The following SPAG16 variants were observed in gnomAD, a reference collection of about 807,000 sequenced individuals.
SPAG16 encodes sperm-associated antigen 16 protein.
Under a neutral mutation model 80.4 loss-of-function variants are expected in SPAG16, and 86 were observed. The observed-to-expected ratio is 1.07, with a 90% CI of 0.90 to 1.28. The LOEUF (loss-of-function observed/expected upper bound fraction) is 1.28. SPAG16 is among the 50% of genes most tolerant of loss of function. SPAG16 has a pLI of 0.00. For missense variants in SPAG16, 870 were observed against 765.3 expected, an observed-to-expected ratio of 1.14 and a Z score of -1.61; for synonymous variants, 294 against 265.9, an observed-to-expected ratio of 1.11 and a Z score of -1.03.
chr2:214,070,645 G>C (rs577156148), intron 13 of SPAG16, among the ~76,000 whole-genome samples: 1 of 152,044 alleles, frequency 6.6e-6, no homozygotes, highest in South Asian at 2.1e-4. Flanking sequence ...AGCATCAAAT[G>C]AGCTGATCAT....
chr2:213,874,612 A>G (rs960837325), intron 11 of SPAG16, among the ~76,000 whole-genome samples: 1 of 152,136 alleles, frequency 6.6e-6, no homozygotes, highest in Non-Finnish European at 1.5e-5. Flanking sequence ...CAAACACATG[A>G]GTAATGTGTA....
At chr2:213,363,692 A>G (rs913259742) in intron 7 of SPAG16, among the ~76,000 whole-genome samples, 11 of 152,112 alleles carry the variant, frequency 7.2e-5, no homozygotes, top group African/African-American at 2.7e-4. Flanking sequence ...ATTCCAAGTG[A>G]TAATTACCTT....
At chr2:213,727,423 T>C (rs568360170) in intron 10 of SPAG16, among the ~76,000 whole-genome samples, 81 of 152,130 alleles carry the variant, frequency 5.3e-4, no homozygotes, top group African/African-American at 1.8e-3. Flanking sequence ...TTGGTTTGAG[T>C]GCTTGATATC....
chr2:213,598,058 T>G (rs1275072981), intron 10 of SPAG16, among the ~76,000 whole-genome samples: 1 of 152,196 alleles, frequency 6.6e-6, no homozygotes, highest in Admixed American at 6.5e-5. Context: ...TTCCTCTCTC[T>G]TCCTCCCATA....
Position 213,979,825 on chromosome 2 carries a change from T to C in SPAG16, c.1401-34126T>C, listed in dbSNP as rs185941861. Reference sequence around the variant, plus strand: ...GGATACCCTGGAGATCTGCTATGTATAGTACTGTTTTCCATAGTACATAAT... The same window carrying C: ...GGATACCCTGGAGATCTGCTATGTACAGTACTGTTTTCCATAGTACATAAT... On this transcript the variant is annotated intron_variant, in intron 12 of 15. Coordinates refer to ENST00000331683, the MANE Select transcript of SPAG16 (RefSeq NM_024532.5). Among the ~76,000 whole-genome samples the C allele has an allele frequency of 4.7e-4, 72 of 152,216 alleles. 1 individual carries two copies. The South Asian group carries it at 6.2e-3, about 13-fold the overall frequency.
chr2:214,028,385 C>T (rs1329726597), intron 13 of SPAG16, among the ~76,000 whole-genome samples: 3 of 152,028 alleles, frequency 2.0e-5, no homozygotes, highest in African/African-American at 7.2e-5. Flanking sequence ...TTTCACAATT[C>T]TTGACTACTT....
chr2:213,481,192 G>A (rs186558397), intron 9 of SPAG16, among the ~76,000 whole-genome samples: 1 of 152,276 alleles, frequency 6.6e-6, no homozygotes, highest in Non-Finnish European at 1.5e-5. Flanking sequence ...TAAAAATTAT[G>A]TTGAGAGAGG....
chr2:213,424,634 C>G (rs1025482570), intron 9 of SPAG16, among the ~76,000 whole-genome samples: 9 of 152,168 alleles, frequency 5.9e-5, no homozygotes, highest in Non-Finnish European at 1.3e-4. Flanking sequence ...CTTAATGACT[C>G]TAATGGCATA....
chr2:214,118,300 A>G (rs1185633108), intron 14 of SPAG16, among the ~76,000 whole-genome samples: 1 of 152,198 alleles, frequency 6.6e-6, no homozygotes, highest in Admixed American at 6.5e-5. Context: ...TCTGCAATGA[A>G]ATCTACAAAA....
chr2:214,168,493 G>T (rs1214418728), intron 15 of SPAG16, among the ~76,000 whole-genome samples: 2 of 151,760 alleles, frequency 1.3e-5, no homozygotes, highest in African/African-American at 4.8e-5. Context: ...CACATGACAC[G>T]CACGCACACA....
At chr2:213,788,119 G>A (rs532190561) in intron 10 of SPAG16, among the ~76,000 whole-genome samples, 89 of 151,874 alleles carry the variant, frequency 5.9e-4, no homozygotes, top group Non-Finnish European at 8.6e-4. Flanking sequence ...CAGCAGTTTC[G>A]ATCACTCATT....
intron 9 of SPAG16, among the ~76,000 whole-genome samples, chr2:213,421,276 T>G (rs2069568092): frequency 2.0e-5 from 3 of 152,206 alleles, no homozygotes; most frequent in Admixed American, 2.0e-4. Flanking sequence ...CAGGTGCTGT[T>G]GCAACCCAGC....
intron 10 of SPAG16, among the ~76,000 whole-genome samples, chr2:213,844,399 T>A (rs899817420): frequency 6.6e-6 from 1 of 152,226 alleles, no homozygotes; most frequent in Non-Finnish European, 1.5e-5. Context: ...AACAGTGATT[T>A]CGGTTATCTA....
intron 14 of SPAG16, among the ~76,000 whole-genome samples, chr2:214,144,032 C>T (rs553301801): frequency 2.1e-4 from 32 of 152,198 alleles, no homozygotes; most frequent in Non-Finnish European, 3.5e-4. Flanking sequence ...TTGACAAACA[C>T]CTGTAGTTTC....
intron 10 of SPAG16, among the ~76,000 whole-genome samples, chr2:213,500,452 G>A (rs953096768): frequency 1.3e-5 from 2 of 152,164 alleles, no homozygotes; most frequent in Non-Finnish European, 2.9e-5. Context: ...TATGTGAGAG[G>A]AGAAAAGTGG....
At chr2:214,251,040 C>A (rs1056055474) in intron 15 of SPAG16, among the ~76,000 whole-genome samples, 3 of 151,522 alleles carry the variant, frequency 2.0e-5, no homozygotes, top group African/African-American at 7.3e-5. Context: ...TTTATTACAG[C>A]TAATGAATAC....
chr2:213,754,465 C>T (rs1387805941), intron 10 of SPAG16, among the ~76,000 whole-genome samples: 1 of 152,118 alleles, frequency 6.6e-6, no homozygotes, highest in East Asian at 1.9e-4. Context: ...ATTTTAGCTT[C>T]ATCTTAGTCT....
At chr2:214,005,900 T>G (rs1439468138) in intron 12 of SPAG16, among the ~76,000 whole-genome samples, 1 of 152,178 alleles carries the variant, frequency 6.6e-6, no homozygotes, top group Non-Finnish European at 1.5e-5. Context: ...TGTTATGAAT[T>G]GCAGTCTAGG....
At chr2:213,857,205 G>C (rs2372266) in intron 10 of SPAG16, among the ~76,000 whole-genome samples, 52,298 of 152,078 alleles carry the variant, frequency 0.34, 9,447 homozygotes, top group South Asian at 0.47. Flanking sequence ...ACTCCAGCCT[G>C]GGTGACAGAG....
Sources: allele counts gnomAD v4.1 joint callset (sites outside exome capture counted in the v4.1 genomes callset), GRCh38; gene constraint gnomAD v4.1.1; transcripts MANE v1.5; gene names NCBI Gene and HGNC (gene_info 2026-07-23, HGNC 2026-07-21).